The following ZFAND3 variants were observed in gnomAD, a reference collection of about 807,000 sequenced individuals.
ZFAND3 encodes zinc finger AN1-type containing 3, also known as AN1-type zinc finger protein 3.
A neutral mutation model predicts 29.6 loss-of-function variants in ZFAND3; 10 were observed. The observed-to-expected ratio is 0.34, with a 90% CI of 0.21 to 0.57. The LOEUF (loss-of-function observed/expected upper bound fraction) is 0.57, where lower values mean the gene tolerates loss of function less well. Among genes scored for constraint, ZFAND3 ranks in the 20% least tolerant of loss-of-function variants. The pLI is 0.86. For missense variants in ZFAND3, 230 were observed against 304.5 expected (o/e 0.76, Z 1.82); for synonymous variants, 128 against 112.6 (o/e 1.14, Z -0.87).
intron 1 of ZFAND3, among the ~76,000 whole-genome samples, chr6:37,846,529 C>A (rs922054226): frequency 2.0e-5 from 3 of 152,142 alleles, no homozygotes; most frequent in Admixed American, 6.5e-5. Context: ...AGTATACAGA[C>A]CCTTTCACAT....
At chr6:38,031,386 T>G (rs1763556168) in intron 2 of ZFAND3, among the ~76,000 whole-genome samples, 1 of 152,254 alleles carries the variant, frequency 6.6e-6, no homozygotes, top group Admixed American at 6.5e-5. Context: ...ATCTATGTTT[T>G]ATGCCTTAAA....
intron 3 of ZFAND3, among the ~76,000 whole-genome samples, chr6:38,062,223 T>C (rs565427002): frequency 6.6e-6 from 1 of 152,232 alleles, no homozygotes; most frequent in South Asian, 2.1e-4. Context: ...AAGCTTTACC[T>C]CTGTCACTAA....
intron 2 of ZFAND3, among the ~76,000 whole-genome samples, chr6:37,985,001 T>C (rs1226078822): frequency 6.6e-6 from 1 of 152,240 alleles, no homozygotes; most frequent in Non-Finnish European, 1.5e-5. Flanking sequence ...GGATGTTTTA[T>C]TTCTAATTGT....
In ZFAND3 at chr6:37,978,716, T is replaced by A. The variant is rs59496413; in HGVS notation, c.112+48717T>A. On this transcript the variant is annotated intron_variant, in intron 2 of 5. Transcript: ENST00000287218. ...TGTATTTATGGCATAAAGTTGTTTA[T>A]AACATTTCATCCGTCTCAGCTCACT... is the stretch of plus-strand genomic sequence containing the variant. Among the ~76,000 whole-genome samples, 34 of 152,288 alleles carry A rather than the reference T, an allele frequency of 2.2e-4. No homozygotes were observed. The East Asian group carries it at 5.8e-3, about 26-fold the overall frequency.
chr6:37,867,359 C>T (rs1031761992), intron 1 of ZFAND3, among the ~76,000 whole-genome samples: 2 of 152,172 alleles, frequency 1.3e-5, no homozygotes, highest in Non-Finnish European at 2.9e-5. Context: ...GTGGCCATGT[C>T]ACTCTGGTTT....
chr6:37,997,771 T>C (rs1762876004), intron 2 of ZFAND3, among the ~76,000 whole-genome samples: 1 of 152,228 alleles, frequency 6.6e-6, no homozygotes, highest in Non-Finnish European at 1.5e-5. Context: ...AGTAAATGTT[T>C]ATTCGATTTA....
intron 2 of ZFAND3, among the ~76,000 whole-genome samples, chr6:37,933,129 C>CTGTG (rs1479575459): frequency 6.6e-6 from 1 of 152,210 alleles, no homozygotes; most frequent in Non-Finnish European, 1.5e-5. Flanking sequence ...GCCAAAGCCA[C>CTGTG]TGTGATCTTA....
chr6:38,100,724 T>C (rs1350102783), intron 4 of ZFAND3, among the ~76,000 whole-genome samples: 1 of 152,206 alleles, frequency 6.6e-6, no homozygotes, highest in Non-Finnish European at 1.5e-5. Flanking sequence ...GGAATATAGT[T>C]ATGGATTTTT....
At chr6:38,060,724 T>G (rs958883110) in intron 2 of ZFAND3, among the ~76,000 whole-genome samples, 4 of 152,190 alleles carry the variant, frequency 2.6e-5, no homozygotes, top group African/African-American at 9.7e-5. Flanking sequence ...ATGCTAAGAT[T>G]ATAGGCGTGA....
At chr6:37,917,169 A>G in intron 1 of ZFAND3, among the ~76,000 whole-genome samples, 1 of 152,208 alleles carries the variant, frequency 6.6e-6, no homozygotes, top group East Asian at 1.9e-4. Flanking sequence ...ACTATCCATG[A>G]TTTCAGGCTT....
At chr6:38,127,421 CCT>C (rs1327778641) in intron 5 of ZFAND3, among the ~76,000 whole-genome samples, 5 of 152,122 alleles carry the variant, frequency 3.3e-5, no homozygotes, top group Non-Finnish European at 7.3e-5. Context: ...AAGCATATTC[CCT>C]GTGTTGATAG....
intron 3 of ZFAND3, among the ~76,000 whole-genome samples, chr6:38,081,684 A>G (rs986000903): frequency 1.3e-5 from 2 of 151,978 alleles, no homozygotes; most frequent in Admixed American, 6.6e-5. Context: ...GAATGTGTTG[A>G]AGGTCTTGAT....
chr6:38,148,689 G>A (rs893147393), intron 5 of ZFAND3, among the ~76,000 whole-genome samples: 1 of 152,156 alleles, frequency 6.6e-6, no homozygotes, highest in Non-Finnish European at 1.5e-5. Flanking sequence ...TGAGTACCAA[G>A]AAAAGAGGAT....
chr6:37,871,871 G>T (rs200505363), intron 1 of ZFAND3, among the ~76,000 whole-genome samples: 1 of 152,098 alleles, frequency 6.6e-6, no homozygotes, highest in Admixed American at 6.6e-5. Context: ...GTTTTAGCAG[G>T]CATTTCACTT....
rs185917622 is a variant in ZFAND3, at chr6:38,107,865, A to G, written c.362-8707A>G. Among the ~76,000 whole-genome samples, 555 of 152,142 alleles carry G rather than the reference A, an allele frequency of 3.6e-3. 3 individuals are homozygous for G. The highest frequency in any genetic ancestry group is 0.014 in the Middle Eastern group (4 of 294). Reference sequence around the variant, plus strand: ...CAGGATACCATTGATTGCTTGATTGATTGATGAAGGAAAGAATAAATCCAG... The same window carrying G: ...CAGGATACCATTGATTGCTTGATTGGTTGATGAAGGAAAGAATAAATCCAG... On this transcript the variant is annotated intron_variant, in intron 4 of 5. Coordinates refer to ENST00000287218, the MANE Select transcript of ZFAND3 (RefSeq NM_021943.3).
At chr6:38,136,816 G>A (rs1313787190) in intron 5 of ZFAND3, among the ~76,000 whole-genome samples, 1 of 152,214 alleles carries the variant, frequency 6.6e-6, no homozygotes, top group Non-Finnish European at 1.5e-5. Context: ...TGTAGTTTGT[G>A]CATCCTTGTG....
chr6:37,954,437 A>G (rs1456433276), intron 2 of ZFAND3, among the ~76,000 whole-genome samples: 2 of 151,994 alleles, frequency 1.3e-5, no homozygotes, highest in Admixed American at 1.3e-4. Context: ...ATCATCTGCA[A>G]TTTCTAATCT....
chr6:37,979,354 T>C (rs2127431737), intron 2 of ZFAND3, among the ~76,000 whole-genome samples: 1 of 152,296 alleles, frequency 6.6e-6, no homozygotes, highest in South Asian at 2.1e-4. Flanking sequence ...TATCTGTGTT[T>C]GGGTGGCAGA....
At chr6:38,036,853 ATCC>A (rs1403615146) in intron 2 of ZFAND3, among the ~76,000 whole-genome samples, 2 of 152,212 alleles carry the variant, frequency 1.3e-5, no homozygotes, top group Non-Finnish European at 2.9e-5. Flanking sequence ...GTCTGAAGCA[ATCC>A]TCCTGCCTTG....
Sources: gnomAD v4.1 joint callset for allele counts (sites outside exome capture counted in the v4.1 genomes callset) on GRCh38, gnomAD v4.1.1 for gene constraint, MANE v1.5 for transcripts, NCBI Gene and HGNC (gene_info 2026-07-23, HGNC 2026-07-21) for gene names.